Variants in ETV1 observed in about 807,000 individuals in gnomAD.
ETV1 encodes the protein ETS variant transcription factor 1, also known as ETS translocation variant 1.
A neutral mutation model predicts 62.3 loss-of-function variants in ETV1; 27 were observed. The observed-to-expected ratio is 0.43, with a 90% CI of 0.32 to 0.60. The LOEUF (loss-of-function observed/expected upper bound fraction) is 0.60, where lower values mean the gene tolerates loss of function less well. Ranked by LOEUF, ETV1 falls within the 20% of genes least tolerant of loss-of-function variation. The probability of loss-of-function intolerance (pLI) is 0.06; values close to 1 mark genes in which losing one functional copy is unlikely to be tolerated. For synonymous variants in ETV1, 222 were observed against 199.6 expected (o/e 1.11, Z -0.94); for missense variants, 605 against 605.8 (o/e 1.00, Z 0.01).
intron 9 of ETV1, among the ~76,000 whole-genome samples, chr7:13,922,961 A>C (rs1273131571): frequency 6.6e-6 from 1 of 152,214 alleles, no homozygotes; most frequent in African/African-American, 2.4e-5. Flanking sequence ...ATTGTTTTTT[A>C]AGGTAAAATA....
At chr7:13,988,008 C>A in intron 4 of ETV1, 78 bp downstream of exon 4, 1 of 798,562 alleles carries the variant, frequency 1.3e-6, no homozygotes, top group Non-Finnish European at 2.2e-6. Context: ...TAAGATAAGA[C>A]TGAAGTGCTC....
intron 3 of ETV1, chr7:13,988,647 A>T: frequency 6.8e-7 from 1 of 1,481,316 alleles, no homozygotes; most frequent in Non-Finnish European, 9.0e-7. Context: ...AAAACACCCC[A>T]TATAAACAAA....
chr7:13,952,243 C>T (rs947811970), intron 6 of ETV1, among the ~76,000 whole-genome samples: 2 of 152,108 alleles, frequency 1.3e-5, no homozygotes, highest in Admixed American at 1.3e-4. Flanking sequence ...CATTCCTAAT[C>T]TGCAAGCTGA....
rs1226819391 is a variant in ETV1, at chr7:13,970,260, C to CAAAAAAA, written c.235+7166_235+7167insTTTTTTT. Among the ~76,000 whole-genome samples the CAAAAAAA allele has an allele frequency of 2.1e-4, 24 of 113,424 alleles. 2 individuals are homozygous for CAAAAAAA. Among genetic ancestry groups the CAAAAAAA allele is most frequent in the African/African-American group, 8.3e-4 (23 of 27,788 alleles). The allele number at this position is 113,424 out of a possible 152,430, so 74.4% of individuals were successfully genotyped here. On this transcript the variant is annotated intron_variant, in intron 6 of 13. Transcript: ENST00000430479. ...TGGGCGACAGAGCGAGACCCCATCT[C>CAAAAAAA]AAAACACACACACACACACACACAC...
upstream of ETV1, chr7:13,989,695 C>T (rs1170572134): frequency 2.5e-6 from 1 of 398,362 alleles, no homozygotes; most frequent in South Asian, 1.4e-4. Context: ...GGTTTTTCCT[C>T]TACTTCTCCT....
chr7:13,960,506 A>C (rs1413965652), intron 6 of ETV1, among the ~76,000 whole-genome samples: 1 of 152,146 alleles, frequency 6.6e-6, no homozygotes, highest in African/African-American at 2.4e-5. Context: ...TAAAGAAGTT[A>C]ATTAGTTCAA....
At chr7:13,959,101 A>G (rs1190510929) in intron 6 of ETV1, 1 of 151,796 alleles carries the variant, frequency 6.6e-6, no homozygotes, top group Non-Finnish European at 1.5e-5. Context: ...TTTAATTTGT[A>G]GTCAGGTAGT....
intron 5 of ETV1, among the ~76,000 whole-genome samples, chr7:13,980,595 A>G (rs899628853): frequency 6.6e-6 from 1 of 152,148 alleles, no homozygotes; most frequent in African/African-American, 2.4e-5. Flanking sequence ...AGTATATACC[A>G]AAAGACCAAT....
At chr7:13,990,537 G>C (rs1301854399), upstream of ETV1, 1 of 152,196 alleles carries the variant, frequency 6.6e-6, no homozygotes, top group Non-Finnish European at 1.5e-5. Context: ...ACACGGAGGC[G>C]GAGGGTGTCA....
chr7:13,966,622 G>A (rs1780316967), intron 6 of ETV1, among the ~76,000 whole-genome samples: 1 of 152,022 alleles, frequency 6.6e-6, no homozygotes, highest in Non-Finnish European at 1.5e-5. Context: ...ACTCCAGACT[G>A]GGCGACAGAG....
chr7:13,913,878 CTTTTTTTTT>C (rs544899107), intron 9 of ETV1, among the ~76,000 whole-genome samples: 3 of 87,988 alleles, frequency 3.4e-5, no homozygotes, highest in South Asian at 4.7e-4. Context: ...GGGGGTACCT[CTTTTTTTTT>C]TTTTTTTTTT....
Position 13,895,277 on chromosome 7 carries a change from A to G in ETV1, c.*589T>C, listed in dbSNP as rs986894970. 4.7e-5 allele frequency: 11 copies of G among 233,860 alleles called. No individual in the cohort carries two copies. Among genetic ancestry groups the G allele is most frequent in the Non-Finnish European group, 7.6e-5 (9 of 118,266 alleles). 14.5% of individuals were successfully genotyped at this position (233,860 alleles called of 1,614,324 possible). A position where few individuals can be genotyped will look rare whatever the true frequency, so the allele number is the denominator to read the frequency against. The stretch of plus-strand genomic sequence containing the variant: ...TATGGTTATCCTCTGCAAGTCATAT[A>G]TAAAGCAAAATAAAACAACAAACAG... On this transcript the variant is annotated 3_prime_UTR_variant, in exon 14 of 14. Transcript: ENST00000430479.
intron 6 of ETV1, among the ~76,000 whole-genome samples, chr7:13,941,235 A>G (rs1042454067): frequency 4.6e-5 from 7 of 152,166 alleles, no homozygotes; most frequent in Non-Finnish European, 7.4e-5. Context: ...TAAAAAGACA[A>G]CTCTGCAATA....
intron 8 of ETV1, among the ~76,000 whole-genome samples, chr7:13,934,347 C>A (rs567482614): frequency 6.6e-6 from 1 of 152,210 alleles, no homozygotes; most frequent in African/African-American, 2.4e-5. Context: ...ATCTTACGCC[C>A]TTTATAGCAA....
At position 13,926,922 on chromosome 7, in the gene ETV1, G is replaced by A. The variant is rs1785491223; in HGVS notation, c.802+4580C>T. On this transcript the variant is annotated intron_variant, in intron 9 of 13. Coordinates refer to ENST00000430479, the MANE Select transcript of ETV1 (RefSeq NM_004956.5). ...TTGCATTTTTTATCTTAAATATTAG[G>A]CAGTTGAAATTGCATTCCTGTAATT... Among the ~76,000 whole-genome samples the A allele has an allele frequency of 2.0e-5, 3 of 151,850 alleles. No homozygotes were observed. In the South Asian group the frequency reaches 6.2e-4, roughly 32 times the overall value.
chr7:13,978,823 T>C (rs150688126), intron 5 of ETV1, among the ~76,000 whole-genome samples: 10 of 152,202 alleles, frequency 6.6e-5, no homozygotes, highest in African/African-American at 2.2e-4. Context: ...ATTTACGTTA[T>C]ATTATGAAGA....
At chr7:13,899,424 G>T (rs1201976592) in intron 13 of ETV1, among the ~76,000 whole-genome samples, 1 of 152,208 alleles carries the variant, frequency 6.6e-6, no homozygotes, top group East Asian at 1.9e-4. Flanking sequence ...GTCTGAGCCA[G>T]CAAATTCTAG....
chr7:13,957,646 C>A (rs1279274913), intron 6 of ETV1, among the ~76,000 whole-genome samples: 1 of 152,130 alleles, frequency 6.6e-6, no homozygotes, highest in Non-Finnish European at 1.5e-5. Context: ...TTCTTTAGAA[C>A]AATGAGCTCT....
rs1200078850 is a variant in ETV1, at chr7:13,964,601, TATTGA to T, written c.235+12821_235+12825del. On this transcript the variant is annotated intron_variant, in intron 6 of 13. Coordinates refer to ENST00000430479, the MANE Select transcript of ETV1 (RefSeq NM_004956.5). ...AACGAGACAAAACCTGGCATAAAAATATTGAATTGAAGTCATTCCTTCATCCAACA... is the reference window on the plus strand; with the variant it reads ...AACGAGACAAAACCTGGCATAAAAATATTGAAGTCATTCCTTCATCCAACA... Among the ~76,000 whole-genome samples, 4 of 152,102 alleles carry T rather than the reference TATTGA, an allele frequency of 2.6e-5. 1 individual carries two copies. The highest frequency in any genetic ancestry group is 2.0e-4 in the Admixed American group (3 of 15,266).
Sources: gnomAD v4.1 joint callset for allele counts (sites outside exome capture counted in the v4.1 genomes callset) on GRCh38, gnomAD v4.1.1 for gene constraint, MANE v1.5 for transcripts, NCBI Gene and HGNC (gene_info 2026-07-23, HGNC 2026-07-21) for gene names.